The following AGBL1 variants were observed in gnomAD, a reference collection of about 807,000 sequenced individuals.
The protein encoded by AGBL1 is cytosolic carboxypeptidase 4.
Under a neutral mutation model 118.9 loss-of-function variants are expected in AGBL1, and 130 were observed. The observed-to-expected ratio is 1.09, with a 90% CI of 0.95 to 1.26. The LOEUF (loss-of-function observed/expected upper bound fraction) is 1.26. Ranked by LOEUF, AGBL1 falls within the 50% of genes most tolerant of loss-of-function variation. The probability of loss-of-function intolerance (pLI) is 0.00; values close to 1 mark genes in which losing one functional copy is unlikely to be tolerated. For synonymous variants in AGBL1, 555 were observed against 478.9 expected (o/e 1.16, Z -2.08); for missense variants, 1,584 against 1,298.1 (o/e 1.22, Z -3.38).
At chr15:86,670,634 CTG>C (rs575413341) in intron 21 of AGBL1, among the ~76,000 whole-genome samples, 1,765 of 34,636 alleles carry the variant, frequency 0.051, 33 homozygotes, top group East Asian at 0.31. Flanking sequence ...CACAAACACG[CTG>C]TGTGTGTGTG....
At chr15:86,449,367 A>T (rs938259025) in intron 18 of AGBL1, among the ~76,000 whole-genome samples, 11 of 152,232 alleles carry the variant, frequency 7.2e-5, no homozygotes, top group Non-Finnish European at 1.5e-4. Flanking sequence ...AAGGCAACTC[A>T]TACTGGCTGT....
intron 18 of AGBL1, among the ~76,000 whole-genome samples, chr15:86,426,563 C>T (rs774414045): frequency 6.6e-5 from 10 of 152,206 alleles, no homozygotes; most frequent in South Asian, 6.2e-4. Flanking sequence ...CGGCCAACAA[C>T]TGAAGCCTCA....
intron 21 of AGBL1, among the ~76,000 whole-genome samples, chr15:86,659,032 A>T (rs1419426414): frequency 1.3e-5 from 2 of 152,196 alleles, no homozygotes; most frequent in African/African-American, 4.8e-5. Flanking sequence ...TCACAAAGAC[A>T]GAAGTAAGCC....
chr15:86,823,129 T>A (rs1260206608), intron 22 of AGBL1, among the ~76,000 whole-genome samples: 1 of 152,122 alleles, frequency 6.6e-6, no homozygotes, highest in African/African-American at 2.4e-5. Context: ...TGGAGTCACC[T>A]TATAAAAGCT....
intron 17 of AGBL1, chr15:86,296,836 C>G (rs147662142): frequency 5.3e-5 from 8 of 152,316 alleles, no homozygotes; most frequent in Non-Finnish European, 1.2e-4. Flanking sequence ...GGGTAACTTT[C>G]ATTGAACAAT....
At chr15:86,602,039 C>T (rs373931839) in intron 21 of AGBL1, among the ~76,000 whole-genome samples, 2 of 151,980 alleles carry the variant, frequency 1.3e-5, no homozygotes, top group African/African-American at 2.4e-5. Context: ...CTCTCCCTCC[C>T]TTCCTTCTTC....
At chr15:87,008,209 A>C (rs1379958532) in intron 24 of AGBL1, among the ~76,000 whole-genome samples, 1 of 152,114 alleles carries the variant, frequency 6.6e-6, no homozygotes, top group Non-Finnish European at 1.5e-5. Context: ...CTCTCTCCCC[A>C]CCCGGATCTC....
At chr15:86,323,495 A>C (rs2080136703) in intron 17 of AGBL1, among the ~76,000 whole-genome samples, 1 of 152,184 alleles carries the variant, frequency 6.6e-6, no homozygotes, top group African/African-American at 2.4e-5. Context: ...TAAATAACTA[A>C]ATATAAATGG....
chr15:86,378,970 T>C (rs1051002913), intron 17 of AGBL1, among the ~76,000 whole-genome samples: 3 of 151,684 alleles, frequency 2.0e-5, no homozygotes, highest in African/African-American at 7.3e-5. Context: ...TGGAGTGCAA[T>C]GGAGCGATCT....
At chr15:86,347,742 C>T (rs1363876581) in intron 17 of AGBL1, among the ~76,000 whole-genome samples, 3 of 152,198 alleles carry the variant, frequency 2.0e-5, no homozygotes, top group Admixed American at 1.3e-4. Context: ...TGAAATGCCA[C>T]AACTGACAAG....
At chr15:86,614,814 TA>T (rs1477848353) in intron 21 of AGBL1, among the ~76,000 whole-genome samples, 3 of 152,228 alleles carry the variant, frequency 2.0e-5, no homozygotes, top group Non-Finnish European at 4.4e-5. Context: ...GATTGTCATA[TA>T]ATCTACTGAT....
At chr15:86,480,087 G>A (rs1044499283) in intron 18 of AGBL1, among the ~76,000 whole-genome samples, 4 of 152,088 alleles carry the variant, frequency 2.6e-5, no homozygotes, top group Non-Finnish European at 4.4e-5. Context: ...GGCCTGTTGT[G>A]GGGTGGGGAG....
At chr15:86,483,054 G>A (rs938275598) in intron 18 of AGBL1, among the ~76,000 whole-genome samples, 3 of 152,026 alleles carry the variant, frequency 2.0e-5, no homozygotes, top group South Asian at 2.1e-4. Flanking sequence ...CTGAATATAC[G>A]TATTTATAAG....
intron 21 of AGBL1, among the ~76,000 whole-genome samples, chr15:86,652,475 G>A (rs2085390559): frequency 1.3e-5 from 2 of 152,052 alleles, no homozygotes; most frequent in South Asian, 2.1e-4. Flanking sequence ...CTAGAAAGAT[G>A]TTGTCAAAGG....
chr15:86,969,566 C>T (rs2081087067), intron 23 of AGBL1, among the ~76,000 whole-genome samples: 1 of 151,974 alleles, frequency 6.6e-6, no homozygotes, highest in Non-Finnish European at 1.5e-5. Context: ...GGTGTTTCTG[C>T]ACAAGCATAT....
chr15:86,710,721 G>T (rs1378588217), intron 22 of AGBL1, among the ~76,000 whole-genome samples: 1 of 152,126 alleles, frequency 6.6e-6, no homozygotes, highest in Non-Finnish European at 1.5e-5. Flanking sequence ...TAGTCAAGTG[G>T]CAATAGACAA....
intron 21 of AGBL1, among the ~76,000 whole-genome samples, chr15:86,608,321 A>T (rs2469165): frequency 0.49 from 75,093 of 152,024 alleles, 18,719 homozygotes; most frequent in East Asian, 0.73. Context: ...TCGAGCTAGA[A>T]CCAAAGCAGA....
intron 18 of AGBL1, among the ~76,000 whole-genome samples, chr15:86,427,783 T>A (rs1407136754): frequency 6.6e-6 from 1 of 152,140 alleles, no homozygotes; most frequent in Non-Finnish European, 1.5e-5. Flanking sequence ...ACACTAGCGG[T>A]TTTTGTGCTT....
intron 1 of AGBL1, among the ~76,000 whole-genome samples, chr15:86,127,368 T>G (rs922844949): frequency 1.1e-4 from 17 of 152,250 alleles, no homozygotes; most frequent in Admixed American, 3.9e-4. Flanking sequence ...CAATCTTTTA[T>G]AAATGACGTG....
Sources: allele counts gnomAD v4.1 joint callset (sites outside exome capture counted in the v4.1 genomes callset), GRCh38; gene constraint gnomAD v4.1.1; transcripts MANE v1.5; gene names NCBI Gene and HGNC (gene_info 2026-07-23, HGNC 2026-07-21).